BIRC6: variants seen among roughly 807,000 people sequenced by gnomAD.
BIRC6 encodes the protein dual E2 ubiquitin-conjugating enzyme/E3 ubiquitin-protein ligase BIRC6.
Under a neutral mutation model 503.3 loss-of-function variants are expected in BIRC6, and 98 were observed. That is an observed-to-expected ratio of 0.19 (90% CI 0.17 to 0.23). BIRC6 has a LOEUF of 0.23. Ranked by LOEUF, BIRC6 falls within the 10% of genes least tolerant of loss-of-function variation. The pLI is 1.00. For synonymous variants in BIRC6, 2,240 were observed against 2,078.7 expected, an observed-to-expected ratio of 1.08 and a Z score of -2.11; for missense variants, 5,360 against 5,806.0, an observed-to-expected ratio of 0.92 and a Z score of 2.50.
chr2:32,540,117 T>C (rs1272627984), intron 61 of BIRC6, among the ~76,000 whole-genome samples: 1 of 152,120 alleles, frequency 6.6e-6, no homozygotes. Context: ...TATACACTTA[T>C]GCAGAATTGT....
chr2:32,467,658 G>T lies in BIRC6; in HGVS notation c.5490G>T (p.Arg1830=). 1 of 1,613,892 alleles carries T rather than the reference G, an allele frequency of 6.2e-7. No homozygotes were observed. The highest frequency in any genetic ancestry group is 1.7e-5 in the Admixed American group (1 of 60,012). ...WTLGEEVDGR[R]LVVATDISTH... is the part of the protein sequence containing the mutation. ...TAGGAGAAGAGGTGGATGGAAGGCGGTTGGTAGTGGCAACTGATATAAGCA... is the reference window on the plus strand; with the variant it reads ...TAGGAGAAGAGGTGGATGGAAGGCGTTTGGTAGTGGCAACTGATATAAGCA... Residue 1830 remains arginine, a synonymous_variant, in exon 27 of 74, where the codon CGG becomes CGT. Coordinates refer to ENST00000421745, the MANE Select transcript of BIRC6 (RefSeq NM_016252.4).
chr2:32,561,389 G>T (rs1487949988), intron 65 of BIRC6, among the ~76,000 whole-genome samples: 1 of 151,890 alleles, frequency 6.6e-6, no homozygotes. Flanking sequence ...CTACAGGCGT[G>T]TCAGCACGCC....
At chr2:32,566,187 A>C (rs2059522516) in intron 65 of BIRC6, 1 of 152,190 alleles carries the variant, frequency 6.6e-6, no homozygotes, top group Admixed American at 6.5e-5. Flanking sequence ...GCTCCAGTAC[A>C]GCATAAAGCA....
chr2:32,441,048 C>T (rs2045376264), intron 16 of BIRC6, among the ~76,000 whole-genome samples: 2 of 152,134 alleles, frequency 1.3e-5, no homozygotes, highest in Admixed American at 6.5e-5. Flanking sequence ...GCCTGAGCCA[C>T]TGCACCCAGC....
chr2:32,393,600 C>T (rs1266033471), intron 5 of BIRC6, among the ~76,000 whole-genome samples: 1 of 152,180 alleles, frequency 6.6e-6, no homozygotes, highest in Non-Finnish European at 1.5e-5. Flanking sequence ...TGCCACAGCT[C>T]ACTGCAGCCT....
intron 33 of BIRC6, among the ~76,000 whole-genome samples, chr2:32,473,820 A>G (rs981357673): frequency 2.8e-5 from 4 of 143,196 alleles, no homozygotes; most frequent in African/African-American, 7.9e-5. Flanking sequence ...TGGAACAATC[A>G]TAGTTCACTG....
intron 37 of BIRC6, 60 bp from the exon 38 acceptor site, chr2:32,481,260 A>G: frequency 7.3e-7 from 1 of 1,365,098 alleles, no homozygotes; most frequent in Non-Finnish European, 9.7e-7. Flanking sequence ...TAAAAGCATT[A>G]TGTCATCTAA....
intron 6 of BIRC6, among the ~76,000 whole-genome samples, chr2:32,396,526 T>C (rs2039907552): frequency 6.6e-6 from 1 of 152,214 alleles, no homozygotes; most frequent in South Asian, 2.1e-4. Flanking sequence ...TGTATCTATC[T>C]GCAGGCAGAG....
chr2:32,563,320 G>A (rs1559060812), intron 65 of BIRC6: 1 of 152,124 alleles, frequency 6.6e-6, no homozygotes, highest in African/African-American at 2.4e-5. Flanking sequence ...GATGTAGACA[G>A]GGAAATCATT....
chr2:32,404,936 A>G (rs1441270115), intron 8 of BIRC6, among the ~76,000 whole-genome samples: 1 of 152,164 alleles, frequency 6.6e-6, no homozygotes, highest in Non-Finnish European at 1.5e-5. Flanking sequence ...TGCTGGGATT[A>G]CAGGTGTGAG....
At chr2:32,599,702 T>G (rs753581213) in intron 69 of BIRC6, 37 bp from the exon 70 acceptor site, 2 of 1,582,500 alleles carry the variant, frequency 1.3e-6, no homozygotes, top group African/African-American at 2.7e-5. Context: ...TGTTTAGGAA[T>G]GTTAACATAG....
rs1289019278 is a variant in BIRC6, at chr2:32,525,017, C to G, written c.11753C>G (p.Ser3918Cys). The G allele has an allele frequency of 1.3e-6, 2 of 1,527,534 alleles. No homozygotes were observed. The highest frequency in any genetic ancestry group is 2.8e-5 in the African/African-American group (2 of 70,858). The allele number at this position is 1,527,534 out of a possible 1,614,324, so 94.6% of individuals were successfully genotyped here. The change falls in exon 58 of 74, where the codon TCT (serine) becomes TGT (cysteine). Residue 3918 changes from serine to cysteine, a missense_variant and splice_region_variant. By Grantham distance (112) the Ser-to-Cys change is moderately radical (BLOSUM62 -1). Coordinates refer to ENST00000421745, the MANE Select transcript of BIRC6 (RefSeq NM_016252.4). ...FQDNYSVVVA[S>C]GLKSQSKRAV... ...GACAATTACAGTGTTGTTGTTGCCT[C>G]TGGTATGCTTTCTATTTTTTATAAT...
chr2:32,545,826 C>T lies in BIRC6; in HGVS notation c.12776C>T (p.Pro4259Leu), dbSNP rs771167030. The T allele has an allele frequency of 6.2e-7, 1 of 1,613,836 alleles. No homozygotes were observed. Among genetic ancestry groups the T allele is most frequent in the Non-Finnish European group, 8.5e-7 (1 of 1,179,812 alleles). The change falls in exon 63 of 74, where the codon CCA (proline) becomes CTA (leucine). Residue 4259 changes from proline to leucine, a missense_variant. Pro to Leu is a moderately conservative substitution (Grantham distance 98). Coordinates refer to ENST00000421745, the MANE Select transcript of BIRC6 (RefSeq NM_016252.4). ...CTCTCTGCTTTGAGCCACCATTCCCCACGAGTTCCAAACTCTAGCGTGAAT... is the reference window on the plus strand; with the variant it reads ...CTCTCTGCTTTGAGCCACCATTCCCTACGAGTTCCAAACTCTAGCGTGAAT... ...VCLSALSHHS[P>L]RVPNSSVNQT...
At chr2:32,579,186 G>T (rs2060498951) in intron 66 of BIRC6, among the ~76,000 whole-genome samples, 1 of 151,288 alleles carries the variant, frequency 6.6e-6, no homozygotes, top group African/African-American at 2.4e-5. Context: ...ATTTGTAATA[G>T]AATTTTTACC....
chr2:32,465,392 GA>G (rs1481963097), intron 26 of BIRC6, among the ~76,000 whole-genome samples: 45 of 151,280 alleles, frequency 3.0e-4, no homozygotes, highest in African/African-American at 1.1e-3. Flanking sequence ...ATCTATATAT[GA>G]ATCTTGCCTG....
chr2:32,465,768 CT>C (rs1166940112), intron 26 of BIRC6, among the ~76,000 whole-genome samples: 1 of 152,134 alleles, frequency 6.6e-6, no homozygotes, highest in Non-Finnish European at 1.5e-5. Flanking sequence ...CAACAAAATC[CT>C]CAGGGAAATA....
Position 32,438,312 on chromosome 2 carries a change from T to C in BIRC6, c.3632-1196T>C, listed in dbSNP as rs976635327. The stretch of plus-strand genomic sequence containing the variant: ...ATGTCAGATACCACAACACAGAGAA[T>C]AGTACAGTAGTGTTAAGAAAAATGT... On this transcript the variant is annotated intron_variant, in intron 15 of 73. Coordinates refer to ENST00000421745, the MANE Select transcript of BIRC6 (RefSeq NM_016252.4). Among the ~76,000 whole-genome samples the C allele has an allele frequency of 2.0e-5, 3 of 152,234 alleles. No individual in the cohort carries two copies. The South Asian group carries it at 6.2e-4, about 32-fold the overall frequency.
chr2:32,547,936 T>C lies in BIRC6; in HGVS notation c.12897T>C (p.Ser4299=). The change falls in exon 64 of 74, where the codon TCT becomes TCC. Residue 4299 remains serine, a synonymous_variant. Transcript: ENST00000421745. The part of the protein sequence containing the change: ...WAKGTGFGTG[S]TASGWDVEQA... ...AAGGGACTGGCTTTGGAACAGGCTC[T>C]ACAGCTTCTGGGTGGGATGTGGAAC... is the stretch of plus-strand genomic sequence containing the variant. 5 of 1,613,824 alleles carry C rather than the reference T, an allele frequency of 3.1e-6. No individual in the cohort carries two copies. The highest frequency in any genetic ancestry group is 4.2e-6 in the Non-Finnish European group (5 of 1,179,798).
chr2:32,462,783 G>A (rs932595491), intron 23 of BIRC6, among the ~76,000 whole-genome samples: 10 of 151,840 alleles, frequency 6.6e-5, no homozygotes, highest in East Asian at 1.9e-4. Context: ...TGGCGAGACC[G>A]CATCTCTACT....
Sources: gnomAD v4.1 joint callset for allele counts (sites outside exome capture counted in the v4.1 genomes callset) on GRCh38, gnomAD v4.1.1 for gene constraint, MANE v1.5 for transcripts, NCBI Gene and HGNC (gene_info 2026-07-23, HGNC 2026-07-21) for gene names.